The following TBC1D16 variants were observed in gnomAD, a reference collection of about 807,000 sequenced individuals.
The protein encoded by TBC1D16 is CTD-2529O21.1.
In TBC1D16, 58 loss-of-function variants were observed where a neutral mutation model predicts 74.7. The ratio of observed to expected loss-of-function variants is 0.78; its 90% CI spans 0.63 to 0.97. The LOEUF is 0.97. TBC1D16 is among the 50% of genes least tolerant of loss of function. TBC1D16 has a pLI of 0.00. For missense variants in TBC1D16, 1,014 were observed against 1,079.5 expected (o/e 0.94, Z 0.85); for synonymous variants, 493 against 474.7 (o/e 1.04, Z -0.50).
Position 79,943,980 on chromosome 17 carries a change from G to A in TBC1D16, c.1908+928C>T, listed in dbSNP as rs367695309. ...CAGATCGTCCACCCTGCACGTCCAC[G>A]TCCAGCAGGCTGAGCCAGGAGGGAA... is the stretch of plus-strand genomic sequence containing the variant. On this transcript the variant is annotated intron_variant, in intron 10 of 11. Coordinates refer to ENST00000310924, the MANE Select transcript of TBC1D16 (RefSeq NM_019020.4). 8.6e-5 allele frequency: 131 copies of A among 1,523,916 alleles called. 2 individuals are homozygous for A. Among genetic ancestry groups the A allele is most frequent in the East Asian group, 6.2e-4 (25 of 40,590 alleles). The allele number at this position is 1,523,916 out of a possible 1,614,324, so 94.4% of individuals were successfully genotyped here.
Position 79,937,166 on chromosome 17 carries a change from G to C in TBC1D16, c.*3693C>G, listed in dbSNP as rs1288249556. 5 of 146,746 alleles carry C rather than the reference G, an allele frequency of 3.4e-5. No homozygotes were observed. The highest frequency in any genetic ancestry group is 1.4e-4 in the Admixed American group (2 of 14,404). 9.1% of individuals were successfully genotyped at this position (146,746 alleles called of 1,614,324 possible). A position where few individuals can be genotyped will look rare whatever the true frequency, so the allele number is the denominator to read the frequency against. On this transcript the variant is annotated 3_prime_UTR_variant, in exon 12 of 12. Transcript: ENST00000310924. ...GAGGAGCAAGATTTCATTCCCCAGA[G>C]GGCACAGCTTGGGCAGATTCCCATC...
intron 1 of TBC1D16, among the ~76,000 whole-genome samples, chr17:80,018,443 G>A (rs576355895): frequency 8.7e-5 from 13 of 149,016 alleles, no homozygotes; most frequent in South Asian, 8.5e-4. Context: ...CACCATGCCC[G>A]GCTAATTTTT....
At position 79,961,534 on chromosome 17, in the gene TBC1D16, T is replaced by G. The variant is rs538060672; in HGVS notation, c.780-8716A>C. ...AAACATATGTCCACGTGCAAAGACT[T>G]GCACATAAATGTGTGTAACAGCTTT... is the stretch of plus-strand genomic sequence containing the variant. On this transcript the variant is annotated intron_variant, in intron 3 of 11. Coordinates refer to ENST00000310924, the MANE Select transcript of TBC1D16 (RefSeq NM_019020.4). This position sits in a 1 kb window ranked among gnomAD's most constrained non-coding sequence, Gnocchi z 4.8. Among the ~76,000 whole-genome samples, 8 of 152,354 alleles carry G rather than the reference T, an allele frequency of 5.3e-5. No homozygotes were observed. The South Asian group carries it at 1.7e-3, about 32-fold the overall frequency.
intron 4 of TBC1D16, 140 bp downstream of exon 4, chr17:79,952,517 G>A (rs1426240077): frequency 6.4e-5 from 70 of 1,086,870 alleles, no homozygotes; most frequent in Non-Finnish European, 7.8e-5. Context: ...GATCAGCGAG[G>A]GAGGAAAGCA....
intron 1 of TBC1D16, among the ~76,000 whole-genome samples, chr17:80,034,160 AG>A (rs1275443444): frequency 2.6e-5 from 4 of 151,846 alleles, no homozygotes; most frequent in Admixed American, 1.3e-4. Context: ...CAAAATTGCT[AG>A]AGGATTAAAT....
rs941923123 is a variant in TBC1D16, at chr17:79,932,362, G to A, written c.*8497C>T. 5 of 152,240 alleles carry A rather than the reference G, an allele frequency of 3.3e-5. No homozygotes were observed. Among genetic ancestry groups the A allele is most frequent in the African/African-American group, 4.8e-5 (2 of 41,464 alleles). The allele number at this position is 152,240 out of a possible 1,614,324, so 9.4% of individuals were successfully genotyped here. A position where few individuals can be genotyped will look rare whatever the true frequency, so the allele number is the denominator to read the frequency against. On this transcript the variant is annotated 3_prime_UTR_variant, in exon 12 of 12. Transcript: ENST00000310924. The stretch of plus-strand genomic sequence containing the variant: ...CCTGGGTGACACTTATTATCCTTCA[G>A]TCTTTATTTTAAATAAGGCCCCTGT...
intron 3 of TBC1D16, among the ~76,000 whole-genome samples, chr17:79,970,555 C>T (rs752573302): frequency 1.3e-5 from 2 of 152,184 alleles, no homozygotes; most frequent in Admixed American, 6.5e-5. Context: ...CTGGGTGTCC[C>T]CCACCCTCTC....
At position 80,000,593 on chromosome 17, in the gene TBC1D16, G is replaced by A. The variant is rs879334320; in HGVS notation, c.779+9567C>T. ...CTCTTGTTTCAAGCACCCGGTTTGT[G>A]GTCCTTTGTCACAGCAGCCCCAGGA... On this transcript the variant is annotated intron_variant, in intron 3 of 11. Coordinates refer to ENST00000310924, the MANE Select transcript of TBC1D16 (RefSeq NM_019020.4). This position sits in a 1 kb window ranked among gnomAD's most constrained non-coding sequence, Gnocchi z 4.1. Among the ~76,000 whole-genome samples, 6 of 152,214 alleles carry A rather than the reference G, an allele frequency of 3.9e-5. No homozygotes were observed. Among genetic ancestry groups the A allele is most frequent in the Non-Finnish European group, 7.3e-5 (5 of 68,042 alleles).
In TBC1D16 at chr17:79,936,905, T is replaced by TGTGC. The variant is rs1555852384; in HGVS notation, c.*3950_*3953dup. On this transcript the variant is annotated 3_prime_UTR_variant, in exon 12 of 12. Coordinates refer to ENST00000310924, the MANE Select transcript of TBC1D16 (RefSeq NM_019020.4). ...GTGTGTGCATGCGTGCGTGTGTGCA[T>TGTGC]GTGCGTGTGTGTGTGTGTGTGTGTG... 2.6e-4 allele frequency: 15 copies of TGTGC among 56,822 alleles called. No homozygotes were observed. The highest frequency in any genetic ancestry group is 7.2e-4 in the Admixed American group (3 of 4,138). 3.5% of individuals were successfully genotyped at this position (56,822 alleles called of 1,614,324 possible).
chr17:80,031,398 T>C (rs932210305), intron 1 of TBC1D16, among the ~76,000 whole-genome samples: 1 of 152,206 alleles, frequency 6.6e-6, no homozygotes, highest in African/African-American at 2.4e-5. Flanking sequence ...CATCAAGTTG[T>C]ATTTAAAATG....
chr17:79,959,250 G>A (rs1170755340), intron 3 of TBC1D16, among the ~76,000 whole-genome samples: 1 of 152,146 alleles, frequency 6.6e-6, no homozygotes, highest in Non-Finnish European at 1.5e-5. Context: ...AGTCAAATAG[G>A]ATCTTAAGAA....
rs2034925666 is a variant in TBC1D16 at position 79,988,397 on chromosome 17, T to C, written c.779+21763A>G. 6.6e-6 allele frequency among the ~76,000 whole-genome samples: 1 copy of C among 152,252 alleles called. No homozygotes were observed. Among genetic ancestry groups the C allele is most frequent in the African/African-American group, 2.4e-5 (1 of 41,482 alleles). ...TACCCAAACTGAAACATTTTCCTTTTGTCGACTGTAGAGAGCTATGAGTCA... is the reference window on the plus strand; with the variant it reads ...TACCCAAACTGAAACATTTTCCTTTCGTCGACTGTAGAGAGCTATGAGTCA... On this transcript the variant is annotated intron_variant, in intron 3 of 11. Transcript: ENST00000310924. This position sits in a 1 kb window ranked among gnomAD's most constrained non-coding sequence, Gnocchi z 5.7.
chr17:80,018,974 A>G lies in TBC1D16; in HGVS notation c.-62-5365T>C, dbSNP rs902184563. 1.2e-4 allele frequency among the ~76,000 whole-genome samples: 18 copies of G among 150,148 alleles called. 1 individual carries two copies. The East Asian group carries it at 1.4e-3, about 11-fold the overall frequency. ...AAGCACGTCAAAGTTCTGCTCAGCC[A>G]CGTTTTGGGTGCTCTGTAGCCTGCG... On this transcript the variant is annotated intron_variant, in intron 1 of 11. Transcript: ENST00000310924.
rs1230272108 is a variant in TBC1D16, at chr17:79,961,516, T to C, written c.780-8698A>G. On this transcript the variant is annotated intron_variant, in intron 3 of 11. Transcript: ENST00000310924. This position sits in a 1 kb window ranked among gnomAD's most constrained non-coding sequence, Gnocchi z 4.8. ...ATTTACCAAGAGAAATAAAAACATATGTCCACGTGCAAAGACTTGCACATA... is the reference window on the plus strand; with the variant it reads ...ATTTACCAAGAGAAATAAAAACATACGTCCACGTGCAAAGACTTGCACATA... 6.6e-6 allele frequency among the ~76,000 whole-genome samples: 1 copy of C among 152,228 alleles called. No homozygotes were observed. Among genetic ancestry groups the C allele is most frequent in the East Asian group, 1.9e-4 (1 of 5,200 alleles).
In TBC1D16 at chr17:79,944,155, C is replaced by T; in HGVS notation, c.1908+753G>A. On this transcript the variant is annotated intron_variant, in intron 10 of 11. Coordinates refer to ENST00000310924, the MANE Select transcript of TBC1D16 (RefSeq NM_019020.4). This position sits in a 1 kb window ranked among gnomAD's most constrained non-coding sequence, Gnocchi z 7.7. ...AGACGCTGACGCAAATGTCTTCCAG[C>T]AGATGGGTGTTTGCCTCCATCTTCA... 1 of 1,535,698 alleles carries T rather than the reference C, an allele frequency of 6.5e-7. No homozygotes were observed. Among genetic ancestry groups the T allele is most frequent in the Non-Finnish European group, 8.7e-7 (1 of 1,146,610 alleles).
In TBC1D16 at chr17:80,010,993, T is replaced by C. The variant is rs1305195735; in HGVS notation, c.182-236A>G. On this transcript the variant is annotated intron_variant, in intron 2 of 11. Transcript: ENST00000310924. The surrounding 1 kb of genome is among the most constrained non-coding windows in gnomAD (Gnocchi z 8.8). ...CACTTCCGGCAGATCCAGGGGGCAC[T>C]GGTCCCCAAGCACCGGCCTGCCATG... Among the ~76,000 whole-genome samples, 1 of 152,196 alleles carries C rather than the reference T, an allele frequency of 6.6e-6. No homozygotes were observed. Among genetic ancestry groups the C allele is most frequent in the East Asian group, 1.9e-4 (1 of 5,182 alleles).
chr17:79,977,132 T>C (rs1192966416), intron 3 of TBC1D16, among the ~76,000 whole-genome samples: 1 of 152,192 alleles, frequency 6.6e-6, no homozygotes, highest in Non-Finnish European at 1.5e-5. Flanking sequence ...CTACTTTGCC[T>C]GGGTCATTTC....
intron 3 of TBC1D16, among the ~76,000 whole-genome samples, chr17:79,978,120 G>C (rs561268163): frequency 3.3e-5 from 5 of 152,134 alleles, no homozygotes; most frequent in Non-Finnish European, 7.4e-5. Context: ...CGGGAGCGCC[G>C]ACATCCCGCA....
rs1013826261 is a variant in TBC1D16, at chr17:79,950,394, G to A, written c.1257+17C>T. On this transcript the variant is annotated intron_variant, in intron 6 of 11. Transcript: ENST00000310924. The surrounding 1 kb of genome is among the most constrained non-coding windows in gnomAD (Gnocchi z 4.6). ...GCCGGCTCTCCGCGGGGCCAGCTGG[G>A]CGGACCCGGACCTCACCTTCCGCAG... 6.3e-6 allele frequency: 10 copies of A among 1,591,670 alleles called. No individual in the cohort carries two copies. Among genetic ancestry groups the A allele is most frequent in the Non-Finnish European group, 8.5e-6 (10 of 1,169,812 alleles).
Sources: gnomAD v4.1 joint callset for allele counts (sites outside exome capture counted in the v4.1 genomes callset) on GRCh38, gnomAD v4.1.1 for gene constraint, Gnocchi (gnomAD v3.1) non-coding constraint, MANE v1.5 for transcripts, NCBI Gene and HGNC (gene_info 2026-07-23, HGNC 2026-07-21) for gene names.